CFAP69: variants seen among roughly 807,000 people sequenced by gnomAD.
CFAP69 encodes the protein cilia and flagella associated protein 69, also known as cilia- and flagella-associated protein 69.
CFAP69 carries 92 observed loss-of-function variants against 123.0 expected under a neutral mutation model. The observed-to-expected ratio is 0.75, with a 90% confidence interval of 0.63 to 0.89. CFAP69 has a LOEUF of 0.89. Ranked by LOEUF, CFAP69 falls within the 40% of genes least tolerant of loss-of-function variation. The pLI is 0.00. For synonymous variants in CFAP69, 380 were observed against 364.3 expected (o/e 1.04, Z -0.49); for missense variants, 1,067 against 1,096.9 (o/e 0.97, Z 0.39).
intron 12 of CFAP69, among the ~76,000 whole-genome samples, chr7:90,281,891 A>G (rs1046485459): frequency 1.3e-5 from 2 of 152,204 alleles, no homozygotes; most frequent in Admixed American, 6.5e-5. Flanking sequence ...AAGAACTCCT[A>G]TATATCAATA....
chr7:90,245,443 G>C lies in CFAP69; in HGVS notation c.19G>C (p.Gly7Arg), dbSNP rs756005402. 3.8e-6 allele frequency: 6 copies of C among 1,558,978 alleles called. No homozygotes were observed. Among genetic ancestry groups the C allele is most frequent in the Non-Finnish European group, 8.7e-7 (1 of 1,154,594 alleles). The change falls in exon 1 of 23, where the codon GGG (glycine) becomes CGG (arginine). Residue 7 changes from glycine (G) to arginine (R), a missense_variant. By Grantham distance (125) the Gly-to-Arg change is moderately radical (BLOSUM62 -2). Coordinates refer to ENST00000389297, the MANE Select transcript of CFAP69 (RefSeq NM_001039706.3). MWTEEA[G>R]ATAEAQESGI... The stretch of plus-strand genomic sequence containing the variant: ...ACCGGCCATGTGGACAGAGGAAGCC[G>C]GGGCGACCGCCGAGGCCCAGGAATC...
chr7:90,277,562 C>T (rs1405023906), intron 11 of CFAP69, among the ~76,000 whole-genome samples: 1 of 151,976 alleles, frequency 6.6e-6, no homozygotes, highest in Non-Finnish European at 1.5e-5. Context: ...AATAGTAGAA[C>T]CTAAGAGATT....
At chr7:90,306,117 G>GA (rs1793552212) in intron 19 of CFAP69, among the ~76,000 whole-genome samples, 2 of 150,640 alleles carry the variant, frequency 1.3e-5, no homozygotes, top group African/African-American at 4.9e-5. Context: ...TTTTTATTGG[G>GA]GGGGGGCGGG....
downstream of CFAP69, among the ~76,000 whole-genome samples, chr7:90,313,026 T>C (rs905659035): frequency 3.0e-4 from 46 of 152,314 alleles, no homozygotes; most frequent in African/African-American, 9.6e-4. Context: ...AATAATTAGG[T>C]GAATAACTTT....
intron 1 of CFAP69, among the ~76,000 whole-genome samples, chr7:90,251,228 A>G (rs1002777628): frequency 2.6e-5 from 4 of 152,326 alleles, no homozygotes; most frequent in East Asian, 1.9e-4. Flanking sequence ...AGAGACTCCA[A>G]TGCAGCCTGG....
At chr7:90,271,997 T>C (rs748632091) in intron 8 of CFAP69, 39 bp downstream of exon 8, 4 of 1,538,290 alleles carry the variant, frequency 2.6e-6, no homozygotes, top group Non-Finnish European at 3.5e-6. Flanking sequence ...TCTTTTAATC[T>C]TAAAATGACA....
intron 8 of CFAP69, among the ~76,000 whole-genome samples, 168 bp from the exon 9 acceptor site, chr7:90,273,818 TC>T (rs1800337570): frequency 6.6e-6 from 1 of 152,056 alleles, no homozygotes; most frequent in Admixed American, 6.6e-5. Flanking sequence ...CTCTCTGGAG[TC>T]CCTTTTATAA....
intron 8 of CFAP69, among the ~76,000 whole-genome samples, chr7:90,272,797 G>A (rs975934400): frequency 6.6e-6 from 1 of 151,956 alleles, no homozygotes; most frequent in African/African-American, 2.4e-5. Flanking sequence ...CTCAAATCAA[G>A]CAGAAGAGAA....
Position 90,282,934 on chromosome 7 carries a change from G to T in CFAP69, c.1415G>T (p.Gly472Val), listed in dbSNP as rs761803626. ...SHGNSFHGTG[G>V]RGNKFAQMRY... The stretch of plus-strand genomic sequence containing the variant: ...GGTAACAGTTTTCATGGTACAGGTG[G>T]CCGAGGCAACAAGTTTGCCCAGATG... Residue 472 changes from glycine (G) to valine (V), a missense_variant, in exon 13 of 23, where the codon GGC becomes GTC. Transcript: ENST00000389297. 1 of 1,582,928 alleles carries T rather than the reference G, an allele frequency of 6.3e-7. No individual in the cohort carries two copies. Among genetic ancestry groups the T allele is most frequent in the Non-Finnish European group, 8.6e-7 (1 of 1,165,852 alleles).
At chr7:90,258,459 TC>T (rs904971490) in intron 3 of CFAP69, among the ~76,000 whole-genome samples, 9 of 151,988 alleles carry the variant, frequency 5.9e-5, no homozygotes, top group Non-Finnish European at 1.0e-4. Flanking sequence ...CATGCCCTCT[TC>T]CCCCCACTGG....
At chr7:90,298,241 A>T (rs1356186532) in intron 16 of CFAP69, among the ~76,000 whole-genome samples, 1 of 152,218 alleles carries the variant, frequency 6.6e-6, no homozygotes, top group Non-Finnish European at 1.5e-5. Flanking sequence ...AAGCATTTTT[A>T]AAGAACTATG....
chr7:90,304,978 A>C (rs1793355967), intron 19 of CFAP69, among the ~76,000 whole-genome samples, 158 bp downstream of exon 19: 1 of 152,024 alleles, frequency 6.6e-6, no homozygotes, highest in South Asian at 2.1e-4. Flanking sequence ...TACACCATAC[A>C]CCCATCCCAT....
intron 20 of CFAP69, among the ~76,000 whole-genome samples, chr7:90,307,460 A>G (rs768820375): frequency 6.6e-6 from 1 of 152,208 alleles, no homozygotes; most frequent in African/African-American, 2.4e-5. Context: ...AGATGAAGTT[A>G]TCCATAAGAT....
At position 90,277,281 on chromosome 7, in the gene CFAP69, A is replaced by C. The variant is rs781129860; in HGVS notation, c.1102A>C (p.Lys368Gln). 37 of 1,592,204 alleles carry C rather than the reference A, an allele frequency of 2.3e-5. No individual in the cohort carries two copies. Among genetic ancestry groups the C allele is most frequent in the Non-Finnish European group, 3.0e-5 (35 of 1,169,208 alleles). ...TTCCTATGAAGATTTTGAGTTGAAG[A>C]AATTACTATTCAACGTAATTGTGAT... ...SNSYEDFELKKLLFNVIVILC... is the reference protein window; with the variant it reads ...SNSYEDFELKQLLFNVIVILC... Residue 368 changes from lysine (K) to glutamine (Q), a missense_variant, in exon 11 of 23, where the codon AAA (lysine) becomes CAA (glutamine). Physicochemically the swap from Lys to Gln is moderately conservative, Grantham distance 53 (BLOSUM62 1). Transcript: ENST00000389297.
chr7:90,245,554 G>A lies in CFAP69; in HGVS notation c.120+10G>A, dbSNP rs888242541. 4.7e-6 allele frequency: 7 copies of A among 1,481,392 alleles called. No individual in the cohort carries two copies. Among genetic ancestry groups the A allele is most frequent in the South Asian group, 1.4e-5 (1 of 71,858 alleles). 91.8% of individuals were successfully genotyped at this position (1,481,392 alleles called of 1,614,324 possible). ...GGACGATGAGGCGCAGGTATGAGCA[G>A]GTGTCTGTGCTTTCAGAGGTGGAGG... is the stretch of plus-strand genomic sequence containing the variant. On this transcript the variant is annotated intron_variant, in intron 1 of 22. Transcript: ENST00000389297.
chr7:90,261,172 C>T (rs372140224), intron 3 of CFAP69, among the ~76,000 whole-genome samples: 7 of 152,024 alleles, frequency 4.6e-5, no homozygotes, highest in East Asian at 1.9e-4. Flanking sequence ...CTCCGCCTCC[C>T]GGCTTCAAGC....
Position 90,274,020 on chromosome 7 carries a change from G to A in CFAP69, c.894G>A (p.Met298Ile), listed in dbSNP as rs1341667553. 3.7e-6 allele frequency: 6 copies of A among 1,604,242 alleles called. No homozygotes were observed. Among genetic ancestry groups the A allele is most frequent in the Non-Finnish European group, 5.1e-6 (6 of 1,176,084 alleles). The change falls in exon 9 of 23, where the codon ATG (methionine) becomes ATA (isoleucine). Residue 298 changes from methionine to isoleucine, a missense_variant. Coordinates refer to ENST00000389297, the MANE Select transcript of CFAP69 (RefSeq NM_001039706.3). ...AGGAAGTATTTAAAAATCTGTTTAT[G>A]AGAGGTTTCAGTCATTATGACCGTC... ...ALKEVFKNLF[M>I]RGFSHYDRQL...
chr7:90,257,086 C>T (rs567379690), intron 2 of CFAP69, among the ~76,000 whole-genome samples: 1 of 152,192 alleles, frequency 6.6e-6, no homozygotes, highest in Non-Finnish European at 1.5e-5. Flanking sequence ...GCTTGTGTTT[C>T]CTATTCTGGA....
rs1462061528 is a variant in CFAP69, at chr7:90,271,724, T to G, written c.682+49T>G. 4 of 1,591,786 alleles carry G rather than the reference T, an allele frequency of 2.5e-6. No homozygotes were observed. In the South Asian group the frequency reaches 4.6e-5, roughly 18 times the overall value. ...CACTTCATTGTCAACTACTTTTGTT[T>G]ATGTCTAAAAATGTCAATATTGTAA... On this transcript the variant is annotated intron_variant, in intron 7 of 22. Transcript: ENST00000389297.
Sources: allele counts gnomAD v4.1 joint callset (sites outside exome capture counted in the v4.1 genomes callset), GRCh38; gene constraint gnomAD v4.1.1; transcripts MANE v1.5; gene names NCBI Gene and HGNC (gene_info 2026-07-23, HGNC 2026-07-21).